The following DOCK4 variants were observed in gnomAD, a reference collection of about 807,000 sequenced individuals.
The protein encoded by DOCK4 is dedicator of cytokinesis protein 4.
Under a neutral mutation model 268.1 loss-of-function variants are expected in DOCK4, and 97 were observed. That is an observed-to-expected ratio of 0.36 (90% confidence interval 0.31 to 0.43). The LOEUF (loss-of-function observed/expected upper bound fraction) is 0.43. DOCK4 is among the 20% of genes least tolerant of loss of function. The pLI is 1.00. For synonymous variants in DOCK4, 954 were observed against 887.2 expected (o/e 1.08, Z -1.34); for missense variants, 2,145 against 2,455.7 (o/e 0.87, Z 2.67).
intron 8 of DOCK4, among the ~76,000 whole-genome samples, chr7:111,960,958 T>G (rs1796832480): frequency 6.6e-6 from 1 of 152,198 alleles, no homozygotes; most frequent in African/African-American, 2.4e-5. Flanking sequence ...ACTCCATATC[T>G]TAGCTATTGT....
At chr7:111,807,758 G>A (rs1454299658) in intron 30 of DOCK4, 3 of 152,166 alleles carry the variant, frequency 2.0e-5, no homozygotes, top group African/African-American at 4.8e-5. Flanking sequence ...TTACAGGCAT[G>A]AGCCATTGCT....
At chr7:111,765,313 G>T in intron 38 of DOCK4, 91 bp from the exon 39 acceptor site, 1 of 796,704 alleles carries the variant, frequency 1.3e-6, no homozygotes, top group Non-Finnish European at 2.0e-6. Flanking sequence ...ACATAAAGGA[G>T]AACTTTATTT....
intron 44 of DOCK4, among the ~76,000 whole-genome samples, chr7:111,742,866 C>A (rs1473319956): frequency 6.6e-6 from 1 of 152,064 alleles, no homozygotes; most frequent in African/African-American, 2.4e-5. Flanking sequence ...GTGGCACGTG[C>A]CTGTAGTTCC....
At chr7:111,813,694 C>A (rs1801321879) in intron 27 of DOCK4, among the ~76,000 whole-genome samples, 1 of 152,086 alleles carries the variant, frequency 6.6e-6, no homozygotes, top group Admixed American at 6.5e-5. Context: ...ATCATCAGTG[C>A]AAGTCATATC....
In DOCK4 at chr7:112,046,866, G is replaced by A. The variant is rs545312892; in HGVS notation, c.38-42735C>T. ...GCCCATCCAACTCCCTGAGCTGAGA[G>A]AAAAAGAGTTGGGAGTCTGAGGGGA... On this transcript the variant is annotated intron_variant, in intron 1 of 52. Coordinates refer to ENST00000428084, the MANE Select transcript of DOCK4 (RefSeq NM_001363540.2). Among the ~76,000 whole-genome samples the A allele has an allele frequency of 2.6e-5, 4 of 152,282 alleles. No homozygotes were observed. The South Asian group carries it at 8.3e-4, about 32-fold the overall frequency.
chr7:111,920,909 T>C (rs17159003), intron 12 of DOCK4, among the ~76,000 whole-genome samples: 6,047 of 152,138 alleles, frequency 0.04, 365 homozygotes, highest in East Asian at 0.29. Flanking sequence ...TATTGGAATT[T>C]ATGACAACCT....
chr7:111,977,295 C>A lies in DOCK4; in HGVS notation c.550-12G>T. On this transcript the variant is annotated splice_polypyrimidine_tract_variant and intron_variant, in intron 7 of 52. Transcript: ENST00000428084. ...TGTCGATGTTCCATCTGAATGACAC[C>A]CCCCAACAAAAACATGATCAGCATG... The A allele has an allele frequency of 6.3e-7, 1 of 1,582,648 alleles. No individual in the cohort carries two copies. The highest frequency in any genetic ancestry group is 8.6e-7 in the Non-Finnish European group (1 of 1,164,010).
At chr7:112,148,944 T>C (rs1274494536) in intron 1 of DOCK4, among the ~76,000 whole-genome samples, 1 of 152,190 alleles carries the variant, frequency 6.6e-6, no homozygotes, top group Non-Finnish European at 1.5e-5. Flanking sequence ...CCAATAGCCC[T>C]GAAATCTGAT....
chr7:112,190,778 G>A (rs1819885295), intron 1 of DOCK4, among the ~76,000 whole-genome samples: 1 of 152,170 alleles, frequency 6.6e-6, no homozygotes, highest in South Asian at 2.1e-4. Flanking sequence ...GCATGTACTA[G>A]AGAAAGGAGA....
chr7:111,909,380 T>C (rs1208734446), intron 13 of DOCK4, among the ~76,000 whole-genome samples: 1 of 152,224 alleles, frequency 6.6e-6, no homozygotes, highest in Admixed American at 6.5e-5. Context: ...AACATCTCTA[T>C]AACATTCTTC....
chr7:111,829,593 A>C (rs376109994), intron 26 of DOCK4, among the ~76,000 whole-genome samples: 2 of 152,324 alleles, frequency 1.3e-5, no homozygotes, highest in African/African-American at 4.8e-5. Flanking sequence ...TAGTCTTGAT[A>C]TCTCTAATGT....
chr7:112,173,329 A>G (rs1179972728), intron 1 of DOCK4, among the ~76,000 whole-genome samples: 1 of 152,174 alleles, frequency 6.6e-6, no homozygotes, highest in Non-Finnish European at 1.5e-5. Context: ...AACTGTTTCA[A>G]CTCAAGGGAA....
At chr7:111,988,368 A>G (rs1273492998) in intron 6 of DOCK4, among the ~76,000 whole-genome samples, 1 of 152,208 alleles carries the variant, frequency 6.6e-6, no homozygotes, top group African/African-American at 2.4e-5. Flanking sequence ...GTAAAATATC[A>G]GCCTCGGTCA....
chr7:111,843,473 C>G (rs925364471), intron 25 of DOCK4, among the ~76,000 whole-genome samples: 2 of 152,134 alleles, frequency 1.3e-5, no homozygotes, highest in South Asian at 4.1e-4. Flanking sequence ...AAAAGTTGCT[C>G]AGCATCATTA....
At chr7:112,043,336 C>A (rs1363476457) in intron 1 of DOCK4, among the ~76,000 whole-genome samples, 1 of 152,026 alleles carries the variant, frequency 6.6e-6, no homozygotes, top group Non-Finnish European at 1.5e-5. Context: ...GAACCTGCCA[C>A]AAATCAACTG....
intron 1 of DOCK4, among the ~76,000 whole-genome samples, chr7:112,151,419 GGA>G (rs1338459098): frequency 6.6e-6 from 1 of 152,074 alleles, no homozygotes; most frequent in East Asian, 1.9e-4. Context: ...GTAGTAAAAA[GGA>G]GAGTGAGTCA....
intron 13 of DOCK4, 67 bp from the exon 14 acceptor site, chr7:111,901,868 A>T (rs1791180435): frequency 1.6e-6 from 2 of 1,245,742 alleles, no homozygotes; most frequent in Non-Finnish European, 2.2e-6. Context: ...GTGCTCTATC[A>T]AGAAAAACTT....
At chr7:111,791,303 A>T (rs1799528782) in intron 30 of DOCK4, among the ~76,000 whole-genome samples, 1 of 151,026 alleles carries the variant, frequency 6.6e-6, no homozygotes. Context: ...ACACACACAC[A>T]CATATATCTT....
chr7:112,059,236 A>C (rs942280320), intron 1 of DOCK4, among the ~76,000 whole-genome samples: 5 of 137,786 alleles, frequency 3.6e-5, no homozygotes, highest in African/African-American at 1.4e-4. Context: ...TCCACCTCCC[A>C]AGTTCAAGTA....
Sources: allele counts gnomAD v4.1 joint callset (sites outside exome capture counted in the v4.1 genomes callset), GRCh38; gene constraint gnomAD v4.1.1; transcripts MANE v1.5; gene names NCBI Gene and HGNC (gene_info 2026-07-23, HGNC 2026-07-21).